CCDC18: variants seen among roughly 807,000 people sequenced by gnomAD.
CCDC18 encodes coiled-coil domain containing 18.
A neutral mutation model predicts 196.0 loss-of-function variants in CCDC18; 157 were observed. The observed-to-expected ratio is 0.80, with a 90% CI of 0.70 to 0.91. The LOEUF (loss-of-function observed/expected upper bound fraction) is 0.91. Among genes scored for constraint, CCDC18 ranks in the 40% least tolerant of loss-of-function variants. The probability of loss-of-function intolerance (pLI) is 0.00; values close to 1 mark genes in which losing one functional copy is unlikely to be tolerated. For missense variants in CCDC18, 1,465 were observed against 1,611.6 expected, an observed-to-expected ratio of 0.91 and a Z score of 1.56; for synonymous variants, 482 against 529.2, an observed-to-expected ratio of 0.91 and a Z score of 1.22.
intron 17 of CCDC18, among the ~76,000 whole-genome samples, chr1:93,228,079 G>T (rs1277985123): frequency 1.3e-5 from 2 of 151,014 alleles, no homozygotes; most frequent in African/African-American, 4.9e-5. Context: ...CTTTTAAATA[G>T]AGCAAATTTA....
chr1:93,192,818 G>A (rs1652055120), intron 5 of CCDC18, among the ~76,000 whole-genome samples: 1 of 152,214 alleles, frequency 6.6e-6, no homozygotes, highest in Non-Finnish European at 1.5e-5. Context: ...ATTACTCTGA[G>A]TGATTCCGAA....
At chr1:93,195,703 G>A (rs1419808926) in intron 6 of CCDC18, among the ~76,000 whole-genome samples, 1 of 152,090 alleles carries the variant, frequency 6.6e-6, no homozygotes, top group African/African-American at 2.4e-5. Context: ...CCTCCTCCTT[G>A]GAGGATGTAG....
At position 93,278,554 on chromosome 1, in the gene CCDC18, C is replaced by T; in HGVS notation, c.*77C>T. ...GTTTACTTATTATATGTAGCTCATA[C>T]TTCATAGAAGCTGTTATTTTGCTTT... On this transcript the variant is annotated 3_prime_UTR_variant, in exon 29 of 29. Coordinates refer to ENST00000690025, the MANE Select transcript of CCDC18 (RefSeq NM_001378204.1). 1.5e-6 allele frequency: 1 copy of T among 671,028 alleles called. No individual in the cohort carries two copies. Among genetic ancestry groups the T allele is most frequent in the South Asian group, 4.2e-5 (1 of 23,660 alleles). The allele number at this position is 671,028 out of a possible 1,614,324, so 41.6% of individuals were successfully genotyped here.
chr1:93,261,978 G>A (rs1394590431), intron 26 of CCDC18, among the ~76,000 whole-genome samples: 1 of 152,158 alleles, frequency 6.6e-6, no homozygotes, highest in Non-Finnish European at 1.5e-5. Flanking sequence ...CATGGCAGAA[G>A]GTTAAGGGAA....
chr1:93,199,528 G>A (rs1315395784), intron 6 of CCDC18, among the ~76,000 whole-genome samples: 1 of 152,236 alleles, frequency 6.6e-6, no homozygotes, highest in Admixed American at 6.5e-5. Flanking sequence ...CCCCTGAAGG[G>A]CTGTAGCTCT....
At chr1:93,210,152 G>C (rs974227693) in intron 9 of CCDC18, among the ~76,000 whole-genome samples, 4 of 152,164 alleles carry the variant, frequency 2.6e-5, no homozygotes, top group African/African-American at 9.7e-5. Flanking sequence ...ATTAGAAAAT[G>C]TGATTTTTTT....
chr1:93,243,271 G>T (rs1174757356), intron 21 of CCDC18, among the ~76,000 whole-genome samples: 6 of 152,248 alleles, frequency 3.9e-5, no homozygotes, highest in African/African-American at 1.4e-4. Flanking sequence ...TGTACTCACA[G>T]ATTCAACATT....
chr1:93,244,816 C>A (rs1204776235), intron 21 of CCDC18, among the ~76,000 whole-genome samples: 2 of 152,140 alleles, frequency 1.3e-5, no homozygotes, highest in African/African-American at 4.8e-5. Context: ...TGACATTTTT[C>A]TTATACTTTA....
intron 26 of CCDC18, among the ~76,000 whole-genome samples, chr1:93,260,570 G>C (rs1180446692): frequency 6.6e-6 from 1 of 151,926 alleles, no homozygotes; most frequent in Non-Finnish European, 1.5e-5. Flanking sequence ...TAAAGTAATA[G>C]AGAGCTAGAA....
chr1:93,241,360 C>T (rs1660749726), intron 21 of CCDC18, among the ~76,000 whole-genome samples: 1 of 152,100 alleles, frequency 6.6e-6, no homozygotes, highest in South Asian at 2.1e-4. Flanking sequence ...CCTAGCTGGG[C>T]TCTCTGCTTA....
intron 23 of CCDC18, among the ~76,000 whole-genome samples, chr1:93,254,135 C>T (rs1318982403): frequency 6.6e-6 from 1 of 152,052 alleles, no homozygotes; most frequent in Non-Finnish European, 1.5e-5. Flanking sequence ...TAGAATACAA[C>T]TTCTACTTTT....
At chr1:93,192,289 A>G (rs1651948009) in intron 5 of CCDC18, among the ~76,000 whole-genome samples, 183 bp downstream of exon 5, 1 of 152,212 alleles carries the variant, frequency 6.6e-6, no homozygotes, top group Admixed American at 6.5e-5. Flanking sequence ...GGTTGCATGT[A>G]GTATATAGGG....
At chr1:93,247,101 C>G in intron 23 of CCDC18, 147 bp downstream of exon 23, 2 of 492,420 alleles carry the variant, frequency 4.1e-6, no homozygotes, top group Non-Finnish European at 7.4e-6. Context: ...CTCTGTCACC[C>G]AGGCTGGAGA....
At chr1:93,186,579 G>A in intron 4 of CCDC18, 76 bp downstream of exon 4, 2 of 1,193,084 alleles carry the variant, frequency 1.7e-6, no homozygotes, top group Admixed American at 2.4e-5. Context: ...AATATTCCTT[G>A]TATTGCCACA....
chr1:93,254,860 T>C (rs1333074811), intron 24 of CCDC18, among the ~76,000 whole-genome samples: 2 of 150,934 alleles, frequency 1.3e-5, no homozygotes, highest in Non-Finnish European at 3.0e-5. Flanking sequence ...GTATCTTTCA[T>C]ATAGTAAATC....
rs75844335 is a variant in CCDC18 at position 93,243,023 on chromosome 1, G to A, written c.2982-3082G>A. ...CATGGTGCAAGCTGTCAGTGCATCT[G>A]TTATTCTGGGGTTCTGGAGGATGGT... On this transcript the variant is annotated intron_variant, in intron 21 of 28. Transcript: ENST00000690025. Among the ~76,000 whole-genome samples, 1,260 of 152,318 alleles carry A rather than the reference G, an allele frequency of 8.3e-3. 16 individuals carry two copies. Among genetic ancestry groups the A allele is most frequent in the African/African-American group, 0.029 (1,206 of 41,558 alleles).
intron 19 of CCDC18, 123 bp downstream of exon 19, chr1:93,236,513 C>T (rs1211318531): frequency 2.3e-6 from 2 of 888,572 alleles, no homozygotes; most frequent in Non-Finnish European, 3.3e-6. Context: ...AGTCTGTGTT[C>T]CTATTGCATT....
rs1654847449 is a variant in CCDC18 at position 93,207,196 on chromosome 1, C to G, written c.1007C>G (p.Ser336Cys). 3 of 1,611,280 alleles carry G rather than the reference C, an allele frequency of 1.9e-6. No homozygotes were observed. The highest frequency in any genetic ancestry group is 1.3e-5 in the African/African-American group (1 of 74,940). ...NSEVMAQLTE[S>C]RQSILKLESE... ...GAAGTCATGGCACAACTAACTGAAT[C>G]TAGACAAAGTATTTTGAAGCTAGAG... is the stretch of plus-strand genomic sequence containing the variant. Residue 336 changes from serine to cysteine, a missense_variant, in exon 9 of 29, where the codon TCT becomes TGT. Coordinates refer to ENST00000690025, the MANE Select transcript of CCDC18 (RefSeq NM_001378204.1).
intron 27 of CCDC18, among the ~76,000 whole-genome samples, chr1:93,268,057 G>A (rs1170874665): frequency 1.3e-5 from 2 of 152,134 alleles, no homozygotes; most frequent in Non-Finnish European, 2.9e-5. Context: ...AAAACAGCAT[G>A]GTACTGGTAC....
Sources: allele counts gnomAD v4.1 joint callset (sites outside exome capture counted in the v4.1 genomes callset), GRCh38; gene constraint gnomAD v4.1.1; transcripts MANE v1.5; gene names NCBI Gene and HGNC (gene_info 2026-07-23, HGNC 2026-07-21).